Variants in ST6GALNAC3 observed in about 807,000 individuals in gnomAD.
ST6GALNAC3 encodes the protein alpha-N-acetylgalactosaminide alpha-2,6-sialyltransferase 3.
A neutral mutation model predicts 32.7 loss-of-function variants in ST6GALNAC3; 25 were observed. That is an observed-to-expected ratio of 0.76 (90% CI 0.56 to 1.07). ST6GALNAC3 has a LOEUF of 1.07. Ranked by LOEUF, ST6GALNAC3 falls within the 50% of genes least tolerant of loss-of-function variation. The probability of loss-of-function intolerance (pLI) is 0.00; values close to 1 mark genes in which losing one functional copy is unlikely to be tolerated. For synonymous variants in ST6GALNAC3, 129 were observed against 133.1 expected (o/e 0.97, Z 0.21); for missense variants, 355 against 382.4 (o/e 0.93, Z 0.60).
chr1:76,625,075 C>T (rs1443948082), intron 3 of ST6GALNAC3, among the ~76,000 whole-genome samples: 3 of 151,960 alleles, frequency 2.0e-5, no homozygotes, highest in Admixed American at 6.6e-5. Flanking sequence ...GTGGCCAAAG[C>T]CTCATGTTCG....
intron 2 of ST6GALNAC3, among the ~76,000 whole-genome samples, chr1:76,407,281 C>A (rs1410213744): frequency 6.6e-6 from 1 of 152,088 alleles, no homozygotes; most frequent in African/African-American, 2.4e-5. Context: ...TTACTCTTCA[C>A]AGTGCCTTGC....
intron 1 of ST6GALNAC3, among the ~76,000 whole-genome samples, chr1:76,154,084 C>T (rs1033301359): frequency 6.6e-6 from 1 of 152,158 alleles, no homozygotes; most frequent in Admixed American, 6.5e-5. Flanking sequence ...GAAACCCAAC[C>T]TGGCCCAGTC....
intron 1 of ST6GALNAC3, among the ~76,000 whole-genome samples, chr1:76,109,922 A>T (rs1174316289): frequency 6.6e-6 from 1 of 152,234 alleles, no homozygotes; most frequent in African/African-American, 2.4e-5. Flanking sequence ...GTAGATTTCC[A>T]CTGGAAAAAA....
intron 3 of ST6GALNAC3, among the ~76,000 whole-genome samples, chr1:76,448,188 C>A (rs996218271): frequency 3.3e-5 from 5 of 152,190 alleles, no homozygotes; most frequent in African/African-American, 1.2e-4. Context: ...CAAAGGAGAT[C>A]ATTTTGGAGC....
chr1:76,196,998 A>AT (rs1463258560), intron 1 of ST6GALNAC3, among the ~76,000 whole-genome samples: 2 of 152,032 alleles, frequency 1.3e-5, no homozygotes, highest in Admixed American at 6.5e-5. Flanking sequence ...CAGTATTTAT[A>AT]TTTTTTCTAG....
At chr1:76,219,857 G>T (rs1655669277) in intron 1 of ST6GALNAC3, among the ~76,000 whole-genome samples, 5 of 152,178 alleles carry the variant, frequency 3.3e-5, no homozygotes, top group Admixed American at 3.3e-4. Flanking sequence ...GGATTGGAGA[G>T]TTGCATTTCT....
rs192475294 is a variant in ST6GALNAC3 at position 76,561,923 on chromosome 1, T to C, written c.624-65529T>C. ...CATACAATCTAATATTATTCAGCAATTAAAAATACAGATACATGGTACAAC... is the reference window on the plus strand; with the variant it reads ...CATACAATCTAATATTATTCAGCAACTAAAAATACAGATACATGGTACAAC... On this transcript the variant is annotated intron_variant, in intron 3 of 4. Transcript: ENST00000328299. Among the ~76,000 whole-genome samples, 84 of 152,286 alleles carry C rather than the reference T, an allele frequency of 5.5e-4. 1 individual carries two copies. Among genetic ancestry groups the C allele is most frequent in the African/African-American group, 1.9e-3 (81 of 41,560 alleles).
At chr1:76,265,694 T>C (rs962845202) in intron 1 of ST6GALNAC3, among the ~76,000 whole-genome samples, 2 of 152,208 alleles carry the variant, frequency 1.3e-5, no homozygotes, top group African/African-American at 4.8e-5. Context: ...GTTTCCGTAC[T>C]TAGAAAATAA....
intron 2 of ST6GALNAC3, among the ~76,000 whole-genome samples, chr1:76,337,709 G>A (rs1272284854): frequency 6.6e-6 from 1 of 152,102 alleles, no homozygotes; most frequent in Non-Finnish European, 1.5e-5. Flanking sequence ...GCATATTTGA[G>A]AAGGCCTGCC....
At chr1:76,471,914 T>C (rs1659057642) in intron 3 of ST6GALNAC3, among the ~76,000 whole-genome samples, 1 of 151,988 alleles carries the variant, frequency 6.6e-6, no homozygotes, top group South Asian at 2.1e-4. Context: ...TGCAAATGCC[T>C]ATGCTATTGA....
At chr1:76,468,565 G>A (rs534934273) in intron 3 of ST6GALNAC3, among the ~76,000 whole-genome samples, 18 of 151,966 alleles carry the variant, frequency 1.2e-4, no homozygotes, top group Non-Finnish European at 1.6e-4. Flanking sequence ...TGCTCAAGGC[G>A]GCCTTCACTC....
Position 76,270,952 on chromosome 1 carries a change from A to C in ST6GALNAC3, c.19-42853A>C, listed in dbSNP as rs545315663. ...TATTGTCAGTGTGCTTGAATTCAGC[A>C]AACAGACCCGGAGATGAACCCAAGG... On this transcript the variant is annotated intron_variant, in intron 1 of 4. Transcript: ENST00000328299. 6.7e-4 allele frequency among the ~76,000 whole-genome samples: 102 copies of C among 152,320 alleles called. 1 individual carries two copies. Among genetic ancestry groups the C allele is most frequent in the African/African-American group, 2.1e-3 (88 of 41,560 alleles).
At chr1:76,293,481 A>G (rs965870118) in intron 1 of ST6GALNAC3, among the ~76,000 whole-genome samples, 1 of 152,192 alleles carries the variant, frequency 6.6e-6, no homozygotes, top group Admixed American at 6.5e-5. Context: ...TTGATACTAT[A>G]CATGAGGAAA....
Position 76,360,216 on chromosome 1 carries a change from C to T in ST6GALNAC3, c.213+46217C>T, listed in dbSNP as rs76676749. ...AGAAAACCTACCCTTGTGAGGTAGACTTCTGTCTCTGATTACTTCATGCAG... is the reference window on the plus strand; with the variant it reads ...AGAAAACCTACCCTTGTGAGGTAGATTTCTGTCTCTGATTACTTCATGCAG... On this transcript the variant is annotated intron_variant, in intron 2 of 4. Transcript: ENST00000328299. Among the ~76,000 whole-genome samples, 1,032 of 152,270 alleles carry T rather than the reference C, an allele frequency of 6.8e-3. 6 individuals are homozygous for T. Among genetic ancestry groups the T allele is most frequent in the African/African-American group, 0.024 (1,009 of 41,562 alleles).
intron 3 of ST6GALNAC3, among the ~76,000 whole-genome samples, chr1:76,592,326 A>C (rs1053103523): frequency 6.6e-6 from 1 of 152,158 alleles, no homozygotes; most frequent in Non-Finnish European, 1.5e-5. Context: ...TCAAGAATAC[A>C]TGGGATTAAG....
At chr1:76,124,435 G>A (rs2100845590) in intron 1 of ST6GALNAC3, among the ~76,000 whole-genome samples, 1 of 152,214 alleles carries the variant, frequency 6.6e-6, no homozygotes, top group East Asian at 1.9e-4. Flanking sequence ...CTGTGGGTGA[G>A]TTGCAGTCCT....
chr1:76,489,858 C>A (rs1557481334), intron 3 of ST6GALNAC3, among the ~76,000 whole-genome samples: 1 of 152,110 alleles, frequency 6.6e-6, no homozygotes, highest in Admixed American at 6.6e-5. Context: ...GCGTATAGTT[C>A]CAGTTGTACC....
intron 1 of ST6GALNAC3, among the ~76,000 whole-genome samples, chr1:76,237,992 A>G (rs1007067374): frequency 1.3e-5 from 2 of 152,208 alleles, no homozygotes; most frequent in Non-Finnish European, 2.9e-5. Flanking sequence ...TGCTTTTAAC[A>G]TTTCAAAGTG....
chr1:76,341,821 C>T (rs1648064520), intron 2 of ST6GALNAC3, among the ~76,000 whole-genome samples: 1 of 151,852 alleles, frequency 6.6e-6, no homozygotes, highest in Non-Finnish European at 1.5e-5. Context: ...CAACCTGTCA[C>T]CTACATTAGG....
Sources: gnomAD v4.1 joint callset for allele counts (sites outside exome capture counted in the v4.1 genomes callset) on GRCh38, gnomAD v4.1.1 for gene constraint, MANE v1.5 for transcripts, NCBI Gene and HGNC (gene_info 2026-07-23, HGNC 2026-07-21) for gene names.